MYLK: variants seen among roughly 807,000 people sequenced by gnomAD.
MYLK encodes myosin light chain kinase.
In MYLK, 106 loss-of-function variants were observed where a neutral mutation model predicts 203.4. The observed-to-expected ratio is 0.52, with a 90% CI of 0.45 to 0.61. MYLK has a LOEUF of 0.61. Among genes scored for constraint, MYLK ranks in the 20% least tolerant of loss-of-function variants. The pLI, the probability that MYLK is intolerant of heterozygous loss-of-function variation, is 0.00. For missense variants in MYLK, 2,072 were observed against 2,442.3 expected (o/e 0.85, Z 3.20); for synonymous variants, 867 against 959.5 (o/e 0.90, Z 1.78).
In MYLK at chr3:123,692,819, G is replaced by A. The variant is rs746001165; in HGVS notation, c.3481C>T (p.Leu1161=). Residue 1161 remains leucine (L), a synonymous_variant, in exon 19 of 34, where the codon CTG becomes TTG. Transcript: ENST00000360304. ...TTGTATAAGCCTCTGTCCTCAGGCA[G>A]TGCCTTCTCGATGGAGACGGAGCAG... ...SLCSVSIEKA[L]PEDRGLYKCV... is the part of the protein sequence containing the mutation. 4 of 1,614,100 alleles carry A rather than the reference G, an allele frequency of 2.5e-6. No homozygotes were observed. The highest frequency in any genetic ancestry group is 1.3e-5 in the African/African-American group (1 of 75,054).
rs563076862 is a variant in MYLK at position 123,832,286 on chromosome 3, T to C, written c.-126-616A>G. On this transcript the variant is annotated intron_variant, in intron 2 of 33. Coordinates refer to ENST00000360304, the MANE Select transcript of MYLK (RefSeq NM_053025.4). ...TCAGCCTGGCCCAGGCTCCTGAAGT[T>C]CCCCCTTCTCCTCCCTTCAGACACT... is the stretch of plus-strand genomic sequence containing the variant. Among the ~76,000 whole-genome samples the C allele has an allele frequency of 7.2e-5, 11 of 152,192 alleles. No individual in the cohort carries two copies. The East Asian group carries it at 2.1e-3, about 29-fold the overall frequency.
At chr3:123,798,794 G>A (rs942111249) in intron 3 of MYLK, among the ~76,000 whole-genome samples, 7 of 152,168 alleles carry the variant, frequency 4.6e-5, no homozygotes, top group Non-Finnish European at 1.0e-4. Context: ...CTCACCCTCA[G>A]CCCATCGCCC....
intron 30 of MYLK, among the ~76,000 whole-genome samples, chr3:123,628,482 C>T (rs1167780750): frequency 1.3e-5 from 2 of 152,180 alleles, no homozygotes; most frequent in Non-Finnish European, 2.9e-5. Context: ...TACAACTGCT[C>T]CCTGGGATTG....
chr3:123,654,590 A>G (rs1358380601), intron 24 of MYLK, among the ~76,000 whole-genome samples: 1 of 151,864 alleles, frequency 6.6e-6, no homozygotes, highest in Non-Finnish European at 1.5e-5. Context: ...CTCCTTTGAT[A>G]CTTGAGTCTT....
At chr3:123,788,995 G>A (rs568058153) in intron 4 of MYLK, among the ~76,000 whole-genome samples, 5 of 152,204 alleles carry the variant, frequency 3.3e-5, no homozygotes, top group Admixed American at 2.6e-4. Flanking sequence ...GAAATCTCCA[G>A]TAATTTCAGC....
intron 1 of MYLK, among the ~76,000 whole-genome samples, chr3:123,882,952 T>C (rs934732037): frequency 2.0e-5 from 3 of 152,186 alleles, no homozygotes; most frequent in Admixed American, 2.0e-4. Context: ...ACAGTTCTAT[T>C]AGAACCCTAA....
chr3:123,695,577 T>A (rs962840782), intron 18 of MYLK, among the ~76,000 whole-genome samples: 5 of 152,092 alleles, frequency 3.3e-5, no homozygotes, highest in African/African-American at 4.8e-5. Context: ...AAATTCAGAG[T>A]TCTTTGAGTG....
intron 2 of MYLK, among the ~76,000 whole-genome samples, chr3:123,844,142 C>T (rs565226647): frequency 6.6e-6 from 1 of 152,292 alleles, no homozygotes; most frequent in Admixed American, 6.5e-5. Flanking sequence ...ATAAGCCTCT[C>T]CCATACCTAT....
intron 3 of MYLK, among the ~76,000 whole-genome samples, chr3:123,818,018 G>A (rs981846497): frequency 6.6e-6 from 1 of 152,146 alleles, no homozygotes; most frequent in Non-Finnish European, 1.5e-5. Context: ...TATAGCAGAG[G>A]GGTTTATTGT....
intron 3 of MYLK, among the ~76,000 whole-genome samples, chr3:123,823,641 T>G (rs375689223): frequency 6.6e-6 from 1 of 152,166 alleles, no homozygotes; most frequent in East Asian, 1.9e-4. Flanking sequence ...AATTCCACTC[T>G]CACTTCCCTA....
chr3:123,861,255 C>T (rs1251315143), intron 2 of MYLK, among the ~76,000 whole-genome samples: 3 of 152,232 alleles, frequency 2.0e-5, no homozygotes, highest in Admixed American at 6.5e-5. Flanking sequence ...ACTAGCCAAG[C>T]AGCCCCGAGG....
intron 11 of MYLK, among the ~76,000 whole-genome samples, chr3:123,728,420 T>C (rs1257803027): frequency 3.9e-5 from 6 of 152,098 alleles, no homozygotes; most frequent in Non-Finnish European, 8.8e-5. Flanking sequence ...GGCAGGAGGA[T>C]TGCTTGAGCC....
chr3:123,858,040 C>T (rs985323450), intron 2 of MYLK, among the ~76,000 whole-genome samples: 3 of 152,102 alleles, frequency 2.0e-5, no homozygotes, highest in South Asian at 2.1e-4. Context: ...TTTGGGTACC[C>T]GCTGGTATTG....
At chr3:123,837,632 C>G (rs2700358) in intron 2 of MYLK, among the ~76,000 whole-genome samples, 127,177 of 151,120 alleles carry the variant, frequency 0.84, 53,725 homozygotes, top group East Asian at 0.96. Flanking sequence ...GAGTTGTGCA[C>G]TGATCACCTC....
intron 24 of MYLK, among the ~76,000 whole-genome samples, chr3:123,653,287 C>A (rs564926666): frequency 6.6e-6 from 1 of 152,236 alleles, no homozygotes; most frequent in East Asian, 1.9e-4. Flanking sequence ...TCCCTGAGAG[C>A]CATTTCCCTC....
At chr3:123,699,966 A>G in intron 18 of MYLK, 54 bp downstream of exon 18, 1 of 1,612,512 alleles carries the variant, frequency 6.2e-7, no homozygotes, top group Non-Finnish European at 8.5e-7. Context: ...TCCATGAGCT[A>G]GGAGTGGCCC....
rs144539458 is a variant in MYLK, at chr3:123,818,731, G to C, written c.-4+12817C>G. Among the ~76,000 whole-genome samples, 419 of 152,250 alleles carry C rather than the reference G, an allele frequency of 2.8e-3. 5 individuals carry two copies. Among genetic ancestry groups the C allele is most frequent in the African/African-American group, 9.3e-3 (387 of 41,556 alleles). On this transcript the variant is annotated intron_variant, in intron 3 of 33. Coordinates refer to ENST00000360304, the MANE Select transcript of MYLK (RefSeq NM_053025.4). ...ACCCACAACTCGCAACCACACAGTG[G>C]TTAAATGTGCAGATTTGAATCTCAG...
At chr3:123,750,542 C>T (rs1023914649) in intron 5 of MYLK, among the ~76,000 whole-genome samples, 1 of 152,180 alleles carries the variant, frequency 6.6e-6, no homozygotes, top group Non-Finnish European at 1.5e-5. Context: ...TAATGTGGAT[C>T]ATAGAAAACA....
rs189505310 is a variant in MYLK, at chr3:123,708,724, C to A, written c.2114G>T (p.Arg705Leu). 6.2e-7 allele frequency: 1 copy of A among 1,614,106 alleles called. No individual in the cohort carries two copies. Among genetic ancestry groups the A allele is most frequent in the South Asian group, 1.1e-5 (1 of 91,080 alleles). The change falls in exon 15 of 34, where the codon CGC (arginine) becomes CTC (leucine). Residue 705 changes from arginine (R) to leucine (L), a missense_variant. Around this residue, in one of 3 missense-constraint regions of MYLK, gnomAD observed 865 missense variants for 1,016.0 expected, o/e 0.85. Transcript: ENST00000360304. ...CEAWNSAGEV[R>L]TQAVLTVQEP... ...TTGTACCGTGAGCACGGCCTGGGTG[C>A]GGACCTCTCCAGCGCTGTTCCAGGC...
Sources: allele counts gnomAD v4.1 joint callset (sites outside exome capture counted in the v4.1 genomes callset), GRCh38; gene constraint gnomAD v4.1.1; regional missense constraint gnomAD v4.1.1; transcripts MANE v1.5; gene names NCBI Gene and HGNC (gene_info 2026-07-23, HGNC 2026-07-21).